DCDC2: variants seen among roughly 807,000 people sequenced by gnomAD.
DCDC2 encodes the protein doublecortin domain-containing protein 2.
Under a neutral mutation model 50.2 loss-of-function variants are expected in DCDC2, and 40 were observed. That is an observed-to-expected ratio of 0.80 (90% confidence interval 0.62 to 1.04). DCDC2 has a LOEUF of 1.04. DCDC2 is among the 50% of genes least tolerant of loss of function. DCDC2 has a pLI of 0.00. For synonymous variants in DCDC2, 234 were observed against 210.6 expected (o/e 1.11, Z -0.96); for missense variants, 570 against 581.9 (o/e 0.98, Z 0.21).
intron 8 of DCDC2, among the ~76,000 whole-genome samples, chr6:24,184,562 C>G (rs945627635): frequency 2.5e-4 from 34 of 136,408 alleles, no homozygotes; most frequent in African/African-American, 9.6e-4. Flanking sequence ...CAGAGAGAGA[C>G]TCTGTCTCAA....
In DCDC2 at chr6:24,171,997, G is replaced by C. The variant is rs902693179; in HGVS notation, c.*2733C>G. ...CTCTCTCTAGAAAACAGTACATGAA[G>C]CCAAACCAAGATCTTGTCTGTCCAC... On this transcript the variant is annotated 3_prime_UTR_variant, in exon 10 of 10. Coordinates refer to ENST00000378454, the MANE Select transcript of DCDC2 (RefSeq NM_016356.5). 6.6e-6 allele frequency: 1 copy of C among 152,108 alleles called. No homozygotes were observed. Among genetic ancestry groups the C allele is most frequent in the Non-Finnish European group, 1.5e-5 (1 of 68,010 alleles). The allele number at this position is 152,108 out of a possible 1,614,324, so 9.4% of individuals were successfully genotyped here.
At chr6:24,381,639 C>G in the DCDC2 span, among the ~76,000 whole-genome samples, 2 of 152,080 alleles carry the variant, frequency 1.3e-5, no homozygotes, top group Non-Finnish European at 2.9e-5. Flanking sequence ...TTCTTAGAGT[C>G]TTTACACAGA....
chr6:24,178,543 A>G lies in DCDC2; in HGVS notation c.1113T>C (p.Gly371=), dbSNP rs1244873962. ...EQKEDFSGMN[G]DLEEEGGREA... ...CCCTACCTCCTTCCTCTTCAAGGTC[A>G]CCATTCATTCCTGAAAAGTCTTCTT... is the stretch of plus-strand genomic sequence containing the variant. Residue 371 remains glycine (G), a synonymous_variant, in exon 9 of 10, where the codon GGT becomes GGC. Coordinates refer to ENST00000378454, the MANE Select transcript of DCDC2 (RefSeq NM_016356.5). The G allele has an allele frequency of 6.2e-7, 1 of 1,614,098 alleles. No homozygotes were observed. Among genetic ancestry groups the G allele is most frequent in the Admixed American group, 1.7e-5 (1 of 60,016 alleles).
chr6:24,174,927 T>A (rs1455202762), intron 9 of DCDC2, 93 bp from the exon 10 acceptor site: 1 of 650,740 alleles, frequency 1.5e-6, no homozygotes, highest in Non-Finnish European at 2.4e-6. Flanking sequence ...AGATTCTATT[T>A]AATTATATAA....
intron 7 of DCDC2, among the ~76,000 whole-genome samples, chr6:24,254,684 A>G (rs1056723762): frequency 6.6e-6 from 1 of 152,194 alleles, no homozygotes; most frequent in Non-Finnish European, 1.5e-5. Flanking sequence ...GCTAAGTCAG[A>G]CCTGAAATTA....
intron 4 of DCDC2, among the ~76,000 whole-genome samples, chr6:24,295,547 T>C (rs1016108973): frequency 1.4e-4 from 21 of 152,182 alleles, no homozygotes; most frequent in African/African-American, 4.8e-4. Flanking sequence ...TGTTTGCAGA[T>C]GACATGATTC....
intron 7 of DCDC2, among the ~76,000 whole-genome samples, chr6:24,277,578 G>T (rs904739941): frequency 3.9e-5 from 6 of 152,064 alleles, no homozygotes; most frequent in African/African-American, 1.5e-4. Context: ...TAATTTTGCT[G>T]AATAGGTTAT....
intron 7 of DCDC2, among the ~76,000 whole-genome samples, chr6:24,223,439 T>G (rs1422300588): frequency 6.6e-6 from 1 of 152,206 alleles, no homozygotes; most frequent in African/African-American, 2.4e-5. Flanking sequence ...AGTCATATTT[T>G]GTGTATCGAG....
chr6:24,199,629 C>T (rs536601372), intron 8 of DCDC2, among the ~76,000 whole-genome samples: 3 of 152,234 alleles, frequency 2.0e-5, no homozygotes, highest in South Asian at 2.1e-4. Context: ...CAACTCCTCA[C>T]CAGCAAGGGA....
At chr6:24,374,743 G>C in the DCDC2 span, among the ~76,000 whole-genome samples, 3 of 152,254 alleles carry the variant, frequency 2.0e-5, no homozygotes, top group African/African-American at 7.2e-5. Context: ...GATAAGCATG[G>C]GAAAATCCAG....
chr6:24,355,162 T>C (rs1022751746), intron 1 of DCDC2, among the ~76,000 whole-genome samples: 1 of 152,192 alleles, frequency 6.6e-6, no homozygotes, highest in African/African-American at 2.4e-5. Context: ...AACCTAACCA[T>C]GGACACTGTT....
chr6:24,369,334 C>A, the DCDC2 span, among the ~76,000 whole-genome samples: 3 of 151,702 alleles, frequency 2.0e-5, no homozygotes, highest in South Asian at 2.1e-4. Context: ...TGAGCCCGGG[C>A]TCAGTGGCTT....
chr6:24,347,468 G>C (rs1760286265), intron 2 of DCDC2, among the ~76,000 whole-genome samples: 1 of 151,804 alleles, frequency 6.6e-6, no homozygotes, highest in Admixed American at 6.6e-5. Context: ...GAAAGAAAAA[G>C]AAAAAAACTC....
chr6:24,181,858 AAAC>A (rs1366232454), intron 8 of DCDC2, among the ~76,000 whole-genome samples: 4 of 152,244 alleles, frequency 2.6e-5, no homozygotes, highest in African/African-American at 9.6e-5. Flanking sequence ...TGAGTGGCCA[AAAC>A]AACTTTGAAA....
intron 8 of DCDC2, among the ~76,000 whole-genome samples, chr6:24,182,979 G>A (rs536622275): frequency 1.3e-5 from 2 of 152,176 alleles, no homozygotes; most frequent in Non-Finnish European, 2.9e-5. Flanking sequence ...GCCTTACAAA[G>A]AAAGAAAATT....
Position 24,323,809 on chromosome 6 carries a change from T to C in DCDC2, c.349-21765A>G, listed in dbSNP as rs558251483. On this transcript the variant is annotated intron_variant, in intron 2 of 9. Coordinates refer to ENST00000378454, the MANE Select transcript of DCDC2 (RefSeq NM_016356.5). ...CATAAACTTCTGTCATTTGCTTACA[T>C]TGGGTTTTGTTTTAGTTTCAAAGAA... is the stretch of plus-strand genomic sequence containing the variant. 6.8e-4 allele frequency among the ~76,000 whole-genome samples: 104 copies of C among 152,320 alleles called. No individual in the cohort carries two copies. The South Asian group carries it at 0.015, about 22-fold the overall frequency.
intron 7 of DCDC2, among the ~76,000 whole-genome samples, chr6:24,256,138 T>C (rs1008816203): frequency 2.0e-5 from 3 of 152,094 alleles, no homozygotes; most frequent in African/African-American, 4.8e-5. Flanking sequence ...GGTTACAACA[T>C]AGTATGTGGT....
At chr6:24,376,760 C>T in the DCDC2 span, among the ~76,000 whole-genome samples, 3 of 87,474 alleles carry the variant, frequency 3.4e-5, no homozygotes, top group African/African-American at 1.2e-4. Flanking sequence ...AAAAAAAAAT[C>T]CTAATAATGC....
At chr6:24,258,232 G>C (rs1762934649) in intron 7 of DCDC2, among the ~76,000 whole-genome samples, 1 of 152,196 alleles carries the variant, frequency 6.6e-6, no homozygotes, top group African/African-American at 2.4e-5. Flanking sequence ...CCCTTCCACA[G>C]CGTGCAAGTG....
Sources: allele counts gnomAD v4.1 joint callset (sites outside exome capture counted in the v4.1 genomes callset), GRCh38; gene constraint gnomAD v4.1.1; transcripts MANE v1.5; gene names NCBI Gene and HGNC (gene_info 2026-07-23, HGNC 2026-07-21).